LRRC7: variants seen among roughly 807,000 people sequenced by gnomAD.
The protein encoded by LRRC7 is leucine rich repeat containing 7, also known as leucine-rich repeat-containing protein 7.
Under a neutral mutation model 175.7 loss-of-function variants are expected in LRRC7, and 23 were observed. The ratio of observed to expected loss-of-function variants is 0.13; its 90% confidence interval spans 0.09 to 0.19. The LOEUF is 0.19. LRRC7 is among the 10% of genes least tolerant of loss of function. The pLI is 1.00. For synonymous variants in LRRC7, 685 were observed against 680.9 expected (o/e 1.01, Z -0.09); for missense variants, 1,354 against 1,904.7 (o/e 0.71, Z 5.38).
intron 3 of LRRC7, 28 bp from the exon 4 acceptor site, chr1:69,792,015 T>C (rs1675182867): frequency 7.3e-7 from 1 of 1,362,870 alleles, no homozygotes. Flanking sequence ...CAAATTGAGA[T>C]CTAATTAATG....
chr1:69,740,310 T>A (rs1303180216), intron 2 of LRRC7, among the ~76,000 whole-genome samples: 1 of 152,122 alleles, frequency 6.6e-6, no homozygotes, highest in Non-Finnish European at 1.5e-5. Context: ...TCTTGCTGTG[T>A]CCTCATGGGG....
rs547042135 is a variant in LRRC7 at position 69,661,046 on chromosome 1, C to T, written c.3-17335C>T. Among the ~76,000 whole-genome samples the T allele has an allele frequency of 4.6e-5, 7 of 152,016 alleles. No homozygotes were observed. In the South Asian group the frequency reaches 1.5e-3, roughly 32 times the overall value. On this transcript the variant is annotated intron_variant, in intron 1 of 26. Transcript: ENST00000651989. ...TAGCCAAAAAGAAAAAAGAAAAGTC[C>T]TTGGCCATGTTTGGGGTAAGGAACA...
chr1:69,929,984 A>T (rs1406133969), intron 7 of LRRC7, among the ~76,000 whole-genome samples: 1 of 151,986 alleles, frequency 6.6e-6, no homozygotes, highest in African/African-American at 2.4e-5. Flanking sequence ...ATGCTTTTTC[A>T]TTTCCTTTCT....
In LRRC7 at chr1:70,076,163, C is replaced by T. The variant is rs749659694; in HGVS notation, c.4317C>T (p.Asn1439=). The T allele has an allele frequency of 3.1e-6, 5 of 1,614,100 alleles. No homozygotes were observed. In the East Asian group the frequency reaches 8.9e-5, roughly 29 times the overall value. ...REQQPYEGNI[N]KVTIQQFQSP... Reference sequence around the variant, plus strand: ...AGCAGCCGTATGAAGGAAATATAAACAAAGTGACCATCCAGCAATTTCAGT... The same window carrying T: ...AGCAGCCGTATGAAGGAAATATAAATAAAGTGACCATCCAGCAATTTCAGT... The change falls in exon 24 of 27, where the codon AAC becomes AAT. Residue 1439 remains asparagine (N), a synonymous_variant. Coordinates refer to ENST00000651989, the MANE Select transcript of LRRC7 (RefSeq NM_001370785.2).
intron 8 of LRRC7, among the ~76,000 whole-genome samples, chr1:69,962,291 C>T (rs1462808940): frequency 6.6e-6 from 1 of 152,184 alleles, no homozygotes; most frequent in Non-Finnish European, 1.5e-5. Context: ...TACCACTCCA[C>T]ACCAGTCAGA....
At chr1:69,946,001 C>T (rs952898139) in intron 8 of LRRC7, among the ~76,000 whole-genome samples, 14 of 152,060 alleles carry the variant, frequency 9.2e-5, no homozygotes, top group South Asian at 2.1e-4. Flanking sequence ...CTAGGATTTC[C>T]GGTACTCTGT....
At chr1:70,111,113 A>C (rs1435629764) in intron 26 of LRRC7, among the ~76,000 whole-genome samples, 1 of 152,192 alleles carries the variant, frequency 6.6e-6, no homozygotes, top group East Asian at 1.9e-4. Flanking sequence ...GGTTTAATCT[A>C]ACCCAATAGC....
At chr1:69,959,761 A>G (rs575269866) in intron 8 of LRRC7, among the ~76,000 whole-genome samples, 41 of 152,110 alleles carry the variant, frequency 2.7e-4, no homozygotes, top group Middle Eastern at 3.4e-3. Flanking sequence ...ACCTAACCCA[A>G]TCAGGGATCA....
intron 7 of LRRC7, among the ~76,000 whole-genome samples, chr1:69,851,967 T>A (rs1683041199): frequency 6.6e-6 from 1 of 152,014 alleles, no homozygotes. Context: ...ACTACAAAAT[T>A]TAAGATGGGA....
Position 69,568,509 on chromosome 1 carries a change from C to T in LRRC7, c.-131C>T. On this transcript the variant is annotated 5_prime_UTR_variant, in exon 1 of 27. Coordinates refer to ENST00000651989, the MANE Select transcript of LRRC7 (RefSeq NM_001370785.2). Reference sequence around the variant, plus strand: ...CTCCTGTTCTTCCTACCTTCTACTCCTTCCCTCCTCTTCTCCTCCGAAGAC... The same window carrying T: ...CTCCTGTTCTTCCTACCTTCTACTCTTTCCCTCCTCTTCTCCTCCGAAGAC... 1 of 780,136 alleles carries T rather than the reference C, an allele frequency of 1.3e-6. No homozygotes were observed. Among genetic ancestry groups the T allele is most frequent in the Non-Finnish European group, 1.9e-6 (1 of 539,710 alleles). 48.3% of individuals were successfully genotyped at this position (780,136 alleles called of 1,614,324 possible).
At chr1:69,848,655 TCTC>T (rs1682636069) in intron 7 of LRRC7, among the ~76,000 whole-genome samples, 1 of 152,060 alleles carries the variant, frequency 6.6e-6, no homozygotes, top group South Asian at 2.1e-4. Context: ...AGGTCTCCTC[TCTC>T]CTCTCTACTC....
rs561040291 is a variant in LRRC7 at position 70,123,624 on chromosome 1, T to C, written c.*1737T>C. ...CCATGATTTTATAGGGTTTGACAAT[T>C]AGCTAATGATTAACTGATTGGCCTA... On this transcript the variant is annotated 3_prime_UTR_variant, in exon 27 of 27. Coordinates refer to ENST00000651989, the MANE Select transcript of LRRC7 (RefSeq NM_001370785.2). 6.6e-6 allele frequency: 1 copy of C among 152,346 alleles called. No homozygotes were observed. Among genetic ancestry groups the C allele is most frequent in the South Asian group, 2.1e-4 (1 of 4,834 alleles). The allele number at this position is 152,346 out of a possible 1,614,324, so 9.4% of individuals were successfully genotyped here.
chr1:69,904,835 C>A (rs530634297), intron 7 of LRRC7, among the ~76,000 whole-genome samples: 1 of 152,078 alleles, frequency 6.6e-6, no homozygotes, highest in East Asian at 1.9e-4. Context: ...ACACACAACC[C>A]TTGAGTAGGC....
intron 2 of LRRC7, among the ~76,000 whole-genome samples, chr1:69,744,791 C>T (rs7550003): frequency 0.011 from 1,624 of 151,870 alleles, 38 homozygotes; most frequent in African/African-American, 0.037. Context: ...TCCACTGTCA[C>T]TAATGGAAAA....
intron 7 of LRRC7, among the ~76,000 whole-genome samples, chr1:69,909,596 G>A (rs1049786390): frequency 6.6e-6 from 1 of 152,070 alleles, no homozygotes; most frequent in Non-Finnish European, 1.5e-5. Flanking sequence ...TTTAATATTG[G>A]CCCCCACTCT....
chr1:69,607,026 GAGATAAAT>G (rs1212777929), intron 1 of LRRC7: 1 of 152,058 alleles, frequency 6.6e-6, no homozygotes, highest in Non-Finnish European at 1.5e-5. Context: ...TTGACTATAG[GAGATAAAT>G]AGACATTGGT....
chr1:69,660,617 T>C (rs1036926814), intron 1 of LRRC7, among the ~76,000 whole-genome samples: 3 of 152,054 alleles, frequency 2.0e-5, no homozygotes, highest in Admixed American at 6.6e-5. Flanking sequence ...AAGTAACATT[T>C]GAATAAGGAC....
chr1:70,132,942 C>T lies in LRRC7; in HGVS notation c.*11055C>T, dbSNP rs954324562. On this transcript the variant is annotated 3_prime_UTR_variant, in exon 27 of 27. Transcript: ENST00000651989. ...TCATGCTATTCTTAAATTCCTGGAGCGAAGGGGTGAACATTTCCCTCTGTA... is the reference window on the plus strand; with the variant it reads ...TCATGCTATTCTTAAATTCCTGGAGTGAAGGGGTGAACATTTCCCTCTGTA... Among the ~76,000 whole-genome samples the T allele has an allele frequency of 6.6e-6, 1 of 152,034 alleles. No individual in the cohort carries two copies. The highest frequency in any genetic ancestry group is 2.4e-5 in the African/African-American group (1 of 41,378).
rs746532846 is a variant in LRRC7 at position 69,760,324 on chromosome 1, G to A, written c.234G>A (p.Glu78=). ...GCAGTCTTCAGCAGGTGCCAAAGGA[G>A]GTCTTTAACTTCGAACGAACATTAG... ...SHCSLQQVPK[E]VFNFERTLEE... Residue 78 remains glutamate (E), a synonymous_variant, in exon 3 of 27, where the codon GAG becomes GAA. Transcript: ENST00000651989. 4.3e-6 allele frequency: 7 copies of A among 1,612,782 alleles called. No individual in the cohort carries two copies. In the Middle Eastern group the frequency reaches 5.0e-4, roughly 114 times the overall value.
Sources: gnomAD v4.1 joint callset for allele counts (sites outside exome capture counted in the v4.1 genomes callset) on GRCh38, gnomAD v4.1.1 for gene constraint, MANE v1.5 for transcripts, NCBI Gene and HGNC (gene_info 2026-07-23, HGNC 2026-07-21) for gene names.